LHFPL3: variants seen among roughly 807,000 people sequenced by gnomAD.
LHFPL3 encodes the protein LHFPL tetraspan subfamily member 3 protein.
In LHFPL3, 5 loss-of-function variants were observed where a neutral mutation model predicts 19.3. That is an observed-to-expected ratio of 0.26 (90% CI 0.14 to 0.54). The LOEUF (loss-of-function observed/expected upper bound fraction) is 0.54, where lower values mean the gene tolerates loss of function less well. Ranked by LOEUF, LHFPL3 falls within the 20% of genes least tolerant of loss-of-function variation. The pLI is 0.94. For synonymous variants in LHFPL3, 133 were observed against 126.2 expected (o/e 1.05, Z -0.36); for missense variants, 249 against 307.4 (o/e 0.81, Z 1.42).
At chr7:104,661,687 C>A (rs897384942) in intron 1 of LHFPL3, among the ~76,000 whole-genome samples, 3 of 152,138 alleles carry the variant, frequency 2.0e-5, no homozygotes, top group African/African-American at 4.8e-5. Context: ...TGGATAGTAC[C>A]AAACTAGATA....
chr7:104,431,517 C>A (rs1007459568), intron 1 of LHFPL3, among the ~76,000 whole-genome samples: 1 of 152,050 alleles, frequency 6.6e-6, no homozygotes, highest in Admixed American at 6.6e-5. Context: ...CTTATTTGAT[C>A]ATTTTATTTC....
At chr7:104,514,203 T>C (rs1370611855) in intron 1 of LHFPL3, among the ~76,000 whole-genome samples, 8 of 152,258 alleles carry the variant, frequency 5.3e-5, no homozygotes, top group African/African-American at 1.9e-4. Context: ...TCTTTCTTTG[T>C]CTCTCTCTCC....
At chr7:104,331,860 G>C (rs1801573024) in intron 1 of LHFPL3, among the ~76,000 whole-genome samples, 1 of 151,902 alleles carries the variant, frequency 6.6e-6, no homozygotes, top group South Asian at 2.1e-4. Context: ...TGAGGCAGGA[G>C]AATCTCTTGA....
chr7:104,734,324 G>C (rs957872312), intron 1 of LHFPL3, among the ~76,000 whole-genome samples: 2 of 152,140 alleles, frequency 1.3e-5, no homozygotes, highest in African/African-American at 2.4e-5. Flanking sequence ...TTTCCAACTT[G>C]GTTCCATTCT....
At chr7:104,356,285 C>T (rs1451722413) in intron 1 of LHFPL3, among the ~76,000 whole-genome samples, 1 of 152,162 alleles carries the variant, frequency 6.6e-6, no homozygotes, top group Non-Finnish European at 1.5e-5. Flanking sequence ...GTACTCCTTC[C>T]TGTTGATTAC....
chr7:104,750,891 C>T (rs559799814), intron 2 of LHFPL3, among the ~76,000 whole-genome samples: 236 of 151,864 alleles, frequency 1.6e-3, no homozygotes, highest in African/African-American at 4.8e-3. Flanking sequence ...AAATTTAGAA[C>T]GACATTGACT....
At chr7:104,672,642 C>T (rs1792507792) in intron 1 of LHFPL3, among the ~76,000 whole-genome samples, 1 of 152,158 alleles carries the variant, frequency 6.6e-6, no homozygotes, top group East Asian at 1.9e-4. Flanking sequence ...ATGTGTGTTT[C>T]TTCTCCTTCT....
In LHFPL3 at chr7:104,602,020, C is replaced by CTTTTTTTTTT. The variant is rs57501560; in HGVS notation, c.446-134644_446-134635dup. On this transcript the variant is annotated intron_variant, in intron 1 of 2. Coordinates refer to ENST00000424859, the MANE Select transcript of LHFPL3 (RefSeq NM_199000.3). Reference sequence around the variant, plus strand: ...TAGCAATTTATTTTCTTTTTCTTTTCTTTTTTTTTTTTTTTTTTTTCTGAC... The same window carrying CTTTTTTTTTT: ...TAGCAATTTATTTTCTTTTTCTTTTCTTTTTTTTTTTTTTTTTTTTTTTTTTTTTTCTGAC... Among the ~76,000 whole-genome samples, 74 of 91,452 alleles carry CTTTTTTTTTT rather than the reference C, an allele frequency of 8.1e-4. 1 individual carries two copies. Among genetic ancestry groups the CTTTTTTTTTT allele is most frequent in the East Asian group, 1.8e-3 (5 of 2,760 alleles). The allele number at this position is 91,452 out of a possible 152,430, so 60.0% of individuals were successfully genotyped here.
rs541449868 is a variant in LHFPL3, at chr7:104,541,297, C to T, written c.446-195378C>T. Among the ~76,000 whole-genome samples the T allele has an allele frequency of 4.6e-5, 7 of 152,284 alleles. No homozygotes were observed. The East Asian group carries it at 1.2e-3, about 25-fold the overall frequency. On this transcript the variant is annotated intron_variant, in intron 1 of 2. Coordinates refer to ENST00000424859, the MANE Select transcript of LHFPL3 (RefSeq NM_199000.3). Reference sequence around the variant, plus strand: ...TTGCATTAGTGGTTCACTTACTTGTCTGTCTCTTCCATTAAAATGTAAATA... The same window carrying T: ...TTGCATTAGTGGTTCACTTACTTGTTTGTCTCTTCCATTAAAATGTAAATA...
At chr7:104,487,427 G>A (rs956140104) in intron 1 of LHFPL3, among the ~76,000 whole-genome samples, 1 of 152,210 alleles carries the variant, frequency 6.6e-6, no homozygotes, top group South Asian at 2.1e-4. Flanking sequence ...AGGAGCCACT[G>A]CTGAACAGGA....
chr7:104,735,627 T>G (rs1393987119), intron 1 of LHFPL3, among the ~76,000 whole-genome samples: 1 of 152,246 alleles, frequency 6.6e-6, no homozygotes, highest in Non-Finnish European at 1.5e-5. Flanking sequence ...CAGCTTTGCT[T>G]GGCTAGGAAA....
chr7:104,860,174 CCACCCA>C lies in LHFPL3; in HGVS notation c.683-46009_683-46004del, dbSNP rs1483835714. Among the ~76,000 whole-genome samples the C allele has an allele frequency of 1.3e-3, 109 of 81,036 alleles. 1 individual carries two copies. Among genetic ancestry groups the C allele is most frequent in the Middle Eastern group, 9.3e-3 (1 of 108 alleles). 53.2% of individuals were successfully genotyped at this position (81,036 alleles called of 152,430 possible). A position where few individuals can be genotyped will look rare whatever the true frequency, so the allele number is the denominator to read the frequency against. On this transcript the variant is annotated intron_variant, in intron 2 of 2. Coordinates refer to ENST00000424859, the MANE Select transcript of LHFPL3 (RefSeq NM_199000.3). ...CCCCCAAATACACACACACATACAC[CCACCCA>C]CACACACACACACACACACACACAC... is the stretch of plus-strand genomic sequence containing the variant.
At position 104,730,696 on chromosome 7, in the gene LHFPL3, G is replaced by A. The variant is rs150784543; in HGVS notation, c.446-5979G>A. 5.7e-3 allele frequency among the ~76,000 whole-genome samples: 866 copies of A among 152,244 alleles called. 7 individuals are homozygous for A. Among genetic ancestry groups the A allele is most frequent in the African/African-American group, 0.019 (802 of 41,538 alleles). ...AAAATTATCTCCCATTCTGAAGGTT[G>A]CCTGTTCACTCTGATGGTAGTTTCT... On this transcript the variant is annotated intron_variant, in intron 1 of 2. Coordinates refer to ENST00000424859, the MANE Select transcript of LHFPL3 (RefSeq NM_199000.3).
intron 2 of LHFPL3, among the ~76,000 whole-genome samples, chr7:104,852,092 C>A (rs555577247): frequency 1.5e-4 from 23 of 152,148 alleles, no homozygotes; most frequent in African/African-American, 5.1e-4. Flanking sequence ...AAAGCAGATA[C>A]CCCCCAACCC....
At chr7:104,723,842 A>G (rs767211103) in intron 1 of LHFPL3, among the ~76,000 whole-genome samples, 16 of 151,358 alleles carry the variant, frequency 1.1e-4, no homozygotes, top group Non-Finnish European at 2.2e-4. Flanking sequence ...CCTAGGTGAC[A>G]TTTTAATAAG....
At chr7:104,411,060 A>G (rs1037612769) in intron 1 of LHFPL3, among the ~76,000 whole-genome samples, 4 of 152,212 alleles carry the variant, frequency 2.6e-5, no homozygotes, top group African/African-American at 9.6e-5. Flanking sequence ...TGCCCTCGTG[A>G]AAGTAGATTC....
intron 1 of LHFPL3, among the ~76,000 whole-genome samples, chr7:104,647,747 C>A (rs951582027): frequency 6.6e-6 from 1 of 152,160 alleles, no homozygotes; most frequent in African/African-American, 2.4e-5. Context: ...AGCTGCGGTT[C>A]CTGCCATCTC....
At chr7:104,807,011 A>ATATGTGTGTG (rs1377044318) in intron 2 of LHFPL3, among the ~76,000 whole-genome samples, 1,830 of 139,728 alleles carry the variant, frequency 0.013, 35 homozygotes, top group African/African-American at 0.037. Flanking sequence ...CAAAATATAT[A>ATATGTGTGTG]TGTGTGTGTG....
chr7:104,345,943 G>C (rs1790056216), intron 1 of LHFPL3, among the ~76,000 whole-genome samples: 1 of 151,956 alleles, frequency 6.6e-6, no homozygotes. Context: ...TACATCTTTG[G>C]ATTGTTGCTT....
Sources: allele counts gnomAD v4.1 joint callset (sites outside exome capture counted in the v4.1 genomes callset), GRCh38; gene constraint gnomAD v4.1.1; transcripts MANE v1.5; gene names NCBI Gene and HGNC (gene_info 2026-07-23, HGNC 2026-07-21).